DMD: variants seen among roughly 807,000 people sequenced by gnomAD.
DMD encodes dystrophin.
Under a neutral mutation model 330.1 loss-of-function variants are expected in DMD, and 63 were observed. That is an observed-to-expected ratio of 0.19 (90% CI 0.16 to 0.24). The LOEUF (loss-of-function observed/expected upper bound fraction) is 0.24. DMD is among the 10% of genes least tolerant of loss of function. The probability of loss-of-function intolerance (pLI) is 1.00; values close to 1 mark genes in which losing one functional copy is unlikely to be tolerated. For synonymous variants in DMD, 1,223 were observed against 959.8 expected, an observed-to-expected ratio of 1.27 and a Z score of -5.07; for missense variants, 3,344 against 2,684.1, an observed-to-expected ratio of 1.25 and a Z score of -5.43.
In DMD at chrX:32,386,251, T is replaced by A. The variant is rs1034495990; in HGVS notation, c.4674+59A>T. ...TAATCATACATAATTTATTGCCCGT[T>A]GCTTTACAATTTATAAGGAAAGTGG... On this transcript the variant is annotated intron_variant, in intron 33 of 78. Transcript: ENST00000357033. 7 of 1,173,529 alleles carry A rather than the reference T, an allele frequency of 6.0e-6. No homozygotes were observed. In the Admixed American group the frequency reaches 1.5e-4, roughly 26 times the overall value.
chrX:31,493,953 A>G (rs760886183), intron 57 of DMD, among the ~76,000 whole-genome samples: 7 of 110,753 alleles, frequency 6.3e-5, no homozygotes, highest in Non-Finnish European at 1.3e-4. Context: ...AGGTCAAGAG[A>G]TCGAGACCAT....
At chrX:32,642,386 T>C (rs188833335) in intron 11 of DMD, among the ~76,000 whole-genome samples, 1 of 112,175 alleles carries the variant, frequency 8.9e-6, no homozygotes, top group African/African-American at 3.2e-5. Flanking sequence ...CTAAAAGCTG[T>C]AACACGTACA....
At chrX:31,360,466 G>GTT (rs2058877997) in intron 60 of DMD, among the ~76,000 whole-genome samples, 1 of 111,849 alleles carries the variant, frequency 8.9e-6, no homozygotes, top group Non-Finnish European at 1.9e-5. Context: ...TGAAGGTAAT[G>GTT]GTAAAACCAC....
chrX:32,624,416 A>G (rs1228205447), intron 11 of DMD, among the ~76,000 whole-genome samples: 1 of 112,125 alleles, frequency 8.9e-6, no homozygotes, highest in East Asian at 2.8e-4. Context: ...GGCTAGCAAA[A>G]CAGATAAGTT....
At chrX:32,513,406 A>G (rs2045541895) in intron 18 of DMD, among the ~76,000 whole-genome samples, 2 of 112,736 alleles carry the variant, frequency 1.8e-5, no homozygotes, top group Admixed American at 9.4e-5. Context: ...AAGACCAGCT[A>G]CAGGATTGTC....
intron 55 of DMD, among the ~76,000 whole-genome samples, chrX:31,527,209 G>C (rs1365517816): frequency 1.8e-5 from 2 of 112,118 alleles, no homozygotes; most frequent in African/African-American, 6.5e-5. Flanking sequence ...AAAATATTCA[G>C]ATGGTAGCAT....
At chrX:32,737,266 A>C (rs1251537935) in intron 7 of DMD, among the ~76,000 whole-genome samples, 1 of 111,137 alleles carries the variant, frequency 9.0e-6, no homozygotes, top group Non-Finnish European at 1.9e-5. Flanking sequence ...ATCTTTTCTT[A>C]TTTACATCCA....
intron 2 of DMD, among the ~76,000 whole-genome samples, chrX:32,867,274 A>T (rs1332229048): frequency 8.9e-6 from 1 of 111,967 alleles, no homozygotes; most frequent in Non-Finnish European, 1.9e-5. Context: ...ATAAGCTATA[A>T]TTTCCAGTGG....
At chrX:31,410,230 G>A (rs775633607) in intron 60 of DMD, among the ~76,000 whole-genome samples, 45 of 112,470 alleles carry the variant, frequency 4.0e-4, no homozygotes, top group African/African-American at 9.7e-4. Flanking sequence ...GCTTTAAACT[G>A]TAGATGTCAA....
chrX:31,616,936 T>C (rs2078232996), intron 55 of DMD, among the ~76,000 whole-genome samples: 1 of 111,534 alleles, frequency 9.0e-6, no homozygotes, highest in African/African-American at 3.3e-5. Context: ...CTGAACTCTC[T>C]GACTGAAAAG....
intron 15 of DMD, among the ~76,000 whole-genome samples, 196 bp downstream of exon 15, chrX:32,573,334 A>G (rs2052642569): frequency 8.9e-6 from 1 of 112,013 alleles, no homozygotes; most frequent in African/African-American, 3.2e-5. Context: ...TACAACTTTG[A>G]AAAACAAAGT....
intron 7 of DMD, among the ~76,000 whole-genome samples, chrX:32,728,963 T>C (rs759077243): frequency 7.4e-4 from 83 of 112,052 alleles, no homozygotes; most frequent in African/African-American, 2.6e-3. Context: ...GTCTACCATT[T>C]TCCAACTACC....
intron 41 of DMD, among the ~76,000 whole-genome samples, chrX:32,330,339 AAAC>A (rs1394881940): frequency 2.7e-5 from 3 of 112,367 alleles, no homozygotes; most frequent in Non-Finnish European, 3.8e-5. Flanking sequence ...TCAAAGTGGA[AAAC>A]AATATACACT....
chrX:33,039,428 A>G (rs1020506021), intron 1 of DMD, among the ~76,000 whole-genome samples: 5 of 101,508 alleles, frequency 4.9e-5, no homozygotes, highest in Non-Finnish European at 9.9e-5. Context: ...GCAATTTTGG[A>G]CAGTGTGCCA....
intron 25 of DMD, 106 bp from the exon 26 acceptor site, chrX:32,454,938 TAAA>T: frequency 1.0e-6 from 1 of 954,912 alleles, no homozygotes; most frequent in South Asian, 2.3e-5. Context: ...ATAGTAATGA[TAAA>T]GAAGTAAAAA....
intron 52 of DMD, among the ~76,000 whole-genome samples, chrX:31,721,637 AATATTAT>A: frequency 1.1e-5 from 1 of 94,575 alleles, no homozygotes; most frequent in African/African-American, 3.9e-5. Flanking sequence ...GTATATATAT[AATATTAT>A]TATATATATT....
chrX:33,018,807 A>G (rs1418219206), intron 2 of DMD, among the ~76,000 whole-genome samples: 1 of 111,742 alleles, frequency 8.9e-6, no homozygotes, highest in East Asian at 2.8e-4. Flanking sequence ...TATTCGGAGA[A>G]TTATGAATAA....
intron 15 of DMD, among the ~76,000 whole-genome samples, chrX:32,567,030 A>G (rs2051803847): frequency 8.9e-6 from 1 of 112,047 alleles, no homozygotes; most frequent in Non-Finnish European, 1.9e-5. Context: ...TTGCCCATGA[A>G]GCAAAGTGCC....
intron 61 of DMD, among the ~76,000 whole-genome samples, chrX:31,339,303 T>A (rs905588443): frequency 6.3e-5 from 7 of 111,694 alleles, no homozygotes; most frequent in African/African-American, 2.3e-4. Flanking sequence ...ACAACACATT[T>A]TAAGAAGAGA....
Sources: gnomAD v4.1 joint callset for allele counts (sites outside exome capture counted in the v4.1 genomes callset) on GRCh38, gnomAD v4.1.1 for gene constraint, MANE v1.5 for transcripts, NCBI Gene and HGNC (gene_info 2026-07-23, HGNC 2026-07-21) for gene names.